The following ZFC3H1 variants were observed in gnomAD, a reference collection of about 807,000 sequenced individuals.
ZFC3H1 encodes zinc finger C3H1-type containing, also known as zinc finger C3H1 domain-containing protein.
A neutral mutation model predicts 243.7 loss-of-function variants in ZFC3H1; 71 were observed. The ratio of observed to expected loss-of-function variants is 0.29; its 90% CI spans 0.24 to 0.36. ZFC3H1 has a LOEUF of 0.36. Among genes scored for constraint, ZFC3H1 ranks in the 10% least tolerant of loss-of-function variants. The pLI, the probability that ZFC3H1 is intolerant of heterozygous loss-of-function variation, is 1.00. For synonymous variants in ZFC3H1, 838 were observed against 813.0 expected (o/e 1.03, Z -0.52); for missense variants, 1,966 against 2,317.1 (o/e 0.85, Z 3.11).
intron 1 of ZFC3H1, among the ~76,000 whole-genome samples, chr12:71,662,275 C>A (rs1408999230): frequency 6.6e-6 from 1 of 152,198 alleles, no homozygotes; most frequent in African/African-American, 2.4e-5. Context: ...AATCTCCACC[C>A]TCGCATACAC....
chr12:71,639,679 T>G (rs1265065354), intron 6 of ZFC3H1, among the ~76,000 whole-genome samples: 1 of 152,058 alleles, frequency 6.6e-6, no homozygotes. Flanking sequence ...TTGTGTTGGG[T>G]CAGCCACTAG....
intron 2 of ZFC3H1, among the ~76,000 whole-genome samples, chr12:71,655,822 G>C (rs185632068): frequency 2.2e-4 from 34 of 152,104 alleles, no homozygotes; most frequent in Admixed American, 5.9e-4. Flanking sequence ...GGAAAAAGAG[G>C]GGGGGGAAAT....
At chr12:71,626,473 G>A (rs1880170304) in intron 21 of ZFC3H1, 27 bp from the exon 22 acceptor site, 8 of 1,554,284 alleles carry the variant, frequency 5.1e-6, no homozygotes, top group Non-Finnish European at 7.0e-6. Flanking sequence ...AAAGGTGGAA[G>A]TGCTTTTTAG....
chr12:71,624,000 T>G (rs1162146973), intron 23 of ZFC3H1, 104 bp downstream of exon 23: 1 of 1,217,150 alleles, frequency 8.2e-7, no homozygotes, highest in Non-Finnish European at 1.1e-6. Context: ...AGGATTCAAA[T>G]CCAAATCTTG....
Position 71,609,956 on chromosome 12 carries a change from T to C in ZFC3H1, c.*472A>G, listed in dbSNP as rs753716081. 1.3e-5 allele frequency: 2 copies of C among 152,736 alleles called. No homozygotes were observed. Among genetic ancestry groups the C allele is most frequent in the Non-Finnish European group, 2.9e-5 (2 of 68,206 alleles). The allele number at this position is 152,736 out of a possible 1,614,324, so 9.5% of individuals were successfully genotyped here. On this transcript the variant is annotated 3_prime_UTR_variant, in exon 35 of 35. Coordinates refer to ENST00000378743, the MANE Select transcript of ZFC3H1 (RefSeq NM_144982.5). ...ACTGCTATAGTTTTAAATCCTGAAATGAAGAATCTCAAAAAAATTTAAAAA... is the reference window on the plus strand; with the variant it reads ...ACTGCTATAGTTTTAAATCCTGAAACGAAGAATCTCAAAAAAATTTAAAAA...
chr12:71,619,104 C>T lies in ZFC3H1; in HGVS notation c.5144+211G>A, dbSNP rs560495524. On this transcript the variant is annotated intron_variant, in intron 27 of 34. Transcript: ENST00000378743. Reference sequence around the variant, plus strand: ...GTGTTAGTATATGCCTTACTTTGTACAGTGTGTTTAATCCACAGAATGTTA... The same window carrying T: ...GTGTTAGTATATGCCTTACTTTGTATAGTGTGTTTAATCCACAGAATGTTA... Among the ~76,000 whole-genome samples the T allele has an allele frequency of 2.0e-5, 3 of 152,260 alleles. No individual in the cohort carries two copies. The East Asian group carries it at 5.8e-4, about 29-fold the overall frequency.
chr12:71,620,137 GA>G lies in ZFC3H1; in HGVS notation c.4851-14del, dbSNP rs753596773. 38 of 1,586,132 alleles carry G rather than the reference GA, an allele frequency of 2.4e-5. No individual in the cohort carries two copies. The highest frequency in any genetic ancestry group is 2.2e-4 in the Admixed American group (12 of 54,182). On this transcript the variant is annotated splice_polypyrimidine_tract_variant and intron_variant, in intron 25 of 34. Transcript: ENST00000378743. Reference sequence around the variant, plus strand: ...TGCAGCCTCATACCTTAACAAAAAAGAAAAAAAAAGGCTAAAGACATGAAAA... The same window carrying G: ...TGCAGCCTCATACCTTAACAAAAAAGAAAAAAAAGGCTAAAGACATGAAAA...
chr12:71,652,386 T>G (rs1042349618), intron 2 of ZFC3H1, among the ~76,000 whole-genome samples: 3 of 152,180 alleles, frequency 2.0e-5, no homozygotes, highest in African/African-American at 7.2e-5. Context: ...ATTAAAGGCC[T>G]TCCCAATCCA....
chr12:71,647,887 T>C, intron 2 of ZFC3H1, 74 bp from the exon 3 acceptor site: 1 of 561,050 alleles, frequency 1.8e-6, no homozygotes, highest in Non-Finnish European at 2.9e-6. Flanking sequence ...TCCTATATAA[T>C]ATCTGGTAAT....
chr12:71,646,214 C>T (rs182188216), intron 3 of ZFC3H1, among the ~76,000 whole-genome samples: 1 of 152,304 alleles, frequency 6.6e-6, no homozygotes. Context: ...CAAACCAAGA[C>T]AGTTACCTTT....
intron 14 of ZFC3H1, 73 bp downstream of exon 14, chr12:71,632,813 T>C: frequency 6.4e-7 from 1 of 1,562,050 alleles, no homozygotes; most frequent in Non-Finnish European, 8.6e-7. Context: ...ACTTTATATA[T>C]ACATCTTACC....
At chr12:71,647,194 T>C (rs575896394) in intron 3 of ZFC3H1, among the ~76,000 whole-genome samples, 6 of 152,230 alleles carry the variant, frequency 3.9e-5, no homozygotes, top group Admixed American at 6.5e-5. Flanking sequence ...ATTCAACAAA[T>C]TGAAAAGGCT....
intron 3 of ZFC3H1, among the ~76,000 whole-genome samples, chr12:71,645,655 G>A (rs1176581861): frequency 6.6e-6 from 1 of 152,152 alleles, no homozygotes; most frequent in Non-Finnish European, 1.5e-5. Context: ...GTGTTCTAAG[G>A]CTACAGATAT....
intron 24 of ZFC3H1, among the ~76,000 whole-genome samples, chr12:71,621,565 T>C (rs570270887): frequency 2.6e-5 from 4 of 152,020 alleles, no homozygotes; most frequent in Non-Finnish European, 5.9e-5. Flanking sequence ...CAGCAGATTA[T>C]CAAGTGCTGG....
In ZFC3H1 at chr12:71,626,508, G is replaced by A. The variant is rs77870817; in HGVS notation, c.4131-62C>T. On this transcript the variant is annotated intron_variant, in intron 21 of 34. Coordinates refer to ENST00000378743, the MANE Select transcript of ZFC3H1 (RefSeq NM_144982.5). ...GAACCTGCTTGAAAATTTAAATAGGGCTAATCCAATGAGTCAATTTTAAAA... is the reference window on the plus strand; with the variant it reads ...GAACCTGCTTGAAAATTTAAATAGGACTAATCCAATGAGTCAATTTTAAAA... 1.3e-3 allele frequency: 1,750 copies of A among 1,389,824 alleles called. 21 individuals are homozygous for A. The African/African-American group carries it at 0.023, about 18-fold the overall frequency. The allele number at this position is 1,389,824 out of a possible 1,614,324, so 86.1% of individuals were successfully genotyped here.
rs779798938 is a variant in ZFC3H1, at chr12:71,630,810, A to T, written c.3602+13T>A. ...ATTTTTCAAATTACAAAATGTTCAC[A>T]AAAACTACTCACCATTGACAATCAT... On this transcript the variant is annotated intron_variant, in intron 17 of 34. Transcript: ENST00000378743. The T allele has an allele frequency of 6.2e-7, 1 of 1,611,410 alleles. No homozygotes were observed. The highest frequency in any genetic ancestry group is 8.5e-7 in the Non-Finnish European group (1 of 1,178,490).
At chr12:71,659,577 T>C (rs61924095) in intron 1 of ZFC3H1, among the ~76,000 whole-genome samples, 1 of 149,372 alleles carries the variant, frequency 6.7e-6, no homozygotes, top group South Asian at 2.1e-4. Context: ...ACAACTGCAA[T>C]TAAAAAAAAA....
intron 18 of ZFC3H1, among the ~76,000 whole-genome samples, chr12:71,630,042 T>C (rs1450857811): frequency 6.6e-6 from 1 of 152,222 alleles, no homozygotes; most frequent in Non-Finnish European, 1.5e-5. Flanking sequence ...ATTTAGTAAT[T>C]ATTATTTTCT....
chr12:71,634,125 A>T (rs769168412), intron 12 of ZFC3H1, 30 bp downstream of exon 12: 2 of 1,595,084 alleles, frequency 1.3e-6, no homozygotes, highest in Non-Finnish European at 1.7e-6. Context: ...CCACAGGAAC[A>T]ATTAGATATG....
Sources: gnomAD v4.1 joint callset for allele counts (sites outside exome capture counted in the v4.1 genomes callset) on GRCh38, gnomAD v4.1.1 for gene constraint, MANE v1.5 for transcripts, NCBI Gene and HGNC (gene_info 2026-07-23, HGNC 2026-07-21) for gene names.